Variants in CAMTA1 observed in about 807,000 individuals in gnomAD.
The protein encoded by CAMTA1 is calmodulin-binding transcription activator 1.
A neutral mutation model predicts 170.9 loss-of-function variants in CAMTA1; 27 were observed. The ratio of observed to expected loss-of-function variants is 0.16; its 90% confidence interval spans 0.12 to 0.22. The LOEUF (loss-of-function observed/expected upper bound fraction) is 0.22, where lower values mean the gene tolerates loss of function less well. CAMTA1 is among the 10% of genes least tolerant of loss of function. CAMTA1 has a pLI of 1.00. For missense variants in CAMTA1, 1,619 were observed against 2,217.2 expected (o/e 0.73, Z 5.42); for synonymous variants, 833 against 891.5 (o/e 0.93, Z 1.17).
At chr1:7,608,409 T>G (rs2150647389) in intron 6 of CAMTA1, among the ~76,000 whole-genome samples, 1 of 152,230 alleles carries the variant, frequency 6.6e-6, no homozygotes, top group Non-Finnish European at 1.5e-5. Context: ...CAGGGAACCC[T>G]CCTCTGGAGC....
At position 7,286,487 on chromosome 1, in the gene CAMTA1, G is replaced by A. The variant is rs573576471; in HGVS notation, c.438+36861G>A. On this transcript the variant is annotated intron_variant, in intron 5 of 22. Coordinates refer to ENST00000303635, the MANE Select transcript of CAMTA1 (RefSeq NM_015215.4). The surrounding 1 kb of genome is among the most constrained non-coding windows in gnomAD (Gnocchi z 4.2). ...TTCTCTTTGGGCTGGAATCATGAAC[G>A]TTCAGGGTCGTCACCCTCACCCTGC... is the stretch of plus-strand genomic sequence containing the variant. Among the ~76,000 whole-genome samples the A allele has an allele frequency of 1.4e-4, 22 of 152,298 alleles. No homozygotes were observed. Among genetic ancestry groups the A allele is most frequent in the African/African-American group, 5.1e-4 (21 of 41,564 alleles).
At position 7,600,445 on chromosome 1, in the gene CAMTA1, C is replaced by G. The variant is rs566293010; in HGVS notation, c.511-39955C>G. ...GCCAGGCTTTGGTATCAGGATAACG[C>G]TGGCCTCATAAAATGAGTTAGGGAG... is the stretch of plus-strand genomic sequence containing the variant. On this transcript the variant is annotated intron_variant, in intron 6 of 22. Coordinates refer to ENST00000303635, the MANE Select transcript of CAMTA1 (RefSeq NM_015215.4). 8.1e-4 allele frequency among the ~76,000 whole-genome samples: 123 copies of G among 151,094 alleles called. 1 individual carries two copies. In the South Asian group the frequency reaches 0.025, roughly 31 times the overall value.
chr1:7,709,171 T>C (rs1355093174), intron 11 of CAMTA1, among the ~76,000 whole-genome samples: 1 of 152,170 alleles, frequency 6.6e-6, no homozygotes, highest in Non-Finnish European at 1.5e-5. Context: ...TGAAGCTTTT[T>C]TTCTCCCCTC....
intron 16 of CAMTA1, among the ~76,000 whole-genome samples, chr1:7,744,224 C>T (rs1163765696): frequency 6.6e-6 from 1 of 150,716 alleles, no homozygotes; most frequent in East Asian, 1.9e-4. Flanking sequence ...CTCCACCTCC[C>T]AGGTTTAAGT....
At chr1:7,259,439 C>T (rs930361925) in intron 5 of CAMTA1, among the ~76,000 whole-genome samples, 11 of 152,128 alleles carry the variant, frequency 7.2e-5, no homozygotes, top group African/African-American at 2.7e-4. Flanking sequence ...TGCAGAATTT[C>T]AGGCCCCAAC....
chr1:7,092,310 C>T lies in CAMTA1; in HGVS notation c.302+939C>T, dbSNP rs985060906. On this transcript the variant is annotated intron_variant, in intron 4 of 22. Transcript: ENST00000303635. The surrounding 1 kb of genome is among the most constrained non-coding windows in gnomAD (Gnocchi z 5.0). ...AAGGGTTGAGTGTGTCCTCTGTGCC[C>T]GTGGCCCATCAGCTTGACCTGTTCA... 5.8e-4 allele frequency among the ~76,000 whole-genome samples: 89 copies of T among 152,286 alleles called. No individual in the cohort carries two copies. The highest frequency in any genetic ancestry group is 1.9e-3 in the African/African-American group (80 of 41,556).
chr1:7,633,053 G>T lies in CAMTA1; in HGVS notation c.511-7347G>T, dbSNP rs1278997961. On this transcript the variant is annotated intron_variant, in intron 6 of 22. Transcript: ENST00000303635. The surrounding 1 kb of genome is among the most constrained non-coding windows in gnomAD (Gnocchi z 4.1). ...TGGCAAGGTTCAGGCTAGCACTAAAGGGCCTGCTTAACACAGAGCAGGCAT... is the reference window on the plus strand; with the variant it reads ...TGGCAAGGTTCAGGCTAGCACTAAATGGCCTGCTTAACACAGAGCAGGCAT... 2.0e-5 allele frequency among the ~76,000 whole-genome samples: 3 copies of T among 152,202 alleles called. No homozygotes were observed. The highest frequency in any genetic ancestry group is 7.2e-5 in the African/African-American group (3 of 41,448).
chr1:7,532,646 T>C lies in CAMTA1; in HGVS notation c.510+64745T>C, dbSNP rs1315850644. Among the ~76,000 whole-genome samples, 1 of 152,220 alleles carries C rather than the reference T, an allele frequency of 6.6e-6. No homozygotes were observed. Among genetic ancestry groups the C allele is most frequent in the East Asian group, 1.9e-4 (1 of 5,192 alleles). On this transcript the variant is annotated intron_variant, in intron 6 of 22. Transcript: ENST00000303635. The surrounding 1 kb of genome is among the most constrained non-coding windows in gnomAD (Gnocchi z 4.2). The stretch of plus-strand genomic sequence containing the variant: ...TGAAACTTACAAAAAGCATAGGGCT[T>C]GGCAACCTCCCTCTTCTCCCTGGAG...
intron 12 of CAMTA1, among the ~76,000 whole-genome samples, chr1:7,734,999 A>C (rs571944198): frequency 6.6e-6 from 1 of 152,298 alleles, no homozygotes; most frequent in South Asian, 2.1e-4. Flanking sequence ...CAACTGGTTC[A>C]TAGGAAGTAA....
intron 3 of CAMTA1, among the ~76,000 whole-genome samples, chr1:6,831,852 A>G (rs1388517445): frequency 6.6e-6 from 1 of 152,216 alleles, no homozygotes; most frequent in African/African-American, 2.4e-5. Flanking sequence ...AGAGAGCAGT[A>G]TAGGTTGATA....
At chr1:7,483,985 G>A (rs2093579883) in intron 6 of CAMTA1, among the ~76,000 whole-genome samples, 1 of 152,192 alleles carries the variant, frequency 6.6e-6, no homozygotes, top group East Asian at 1.9e-4. Context: ...GAGACTGGGG[G>A]AGCCCCACCT....
At chr1:7,127,802 A>G (rs534883194) in intron 4 of CAMTA1, among the ~76,000 whole-genome samples, 14 of 152,330 alleles carry the variant, frequency 9.2e-5, no homozygotes, top group Admixed American at 3.3e-4. Flanking sequence ...CCGCTAACCT[A>G]GCAGGCCTGT....
intron 4 of CAMTA1, among the ~76,000 whole-genome samples, chr1:7,096,268 C>A (rs1309479346): frequency 6.6e-6 from 1 of 152,248 alleles, no homozygotes; most frequent in East Asian, 1.9e-4. Context: ...GTTTCCTGAC[C>A]CCATCCGTCC....
chr1:6,885,962 T>TA (rs1673092437), intron 3 of CAMTA1, among the ~76,000 whole-genome samples: 1 of 152,192 alleles, frequency 6.6e-6, no homozygotes, highest in Admixed American at 6.5e-5. Flanking sequence ...GGTTCACTCT[T>TA]ACCCTGGGCA....
chr1:7,370,647 G>C (rs1009307441), intron 5 of CAMTA1, among the ~76,000 whole-genome samples: 1 of 152,156 alleles, frequency 6.6e-6, no homozygotes, highest in African/African-American at 2.4e-5. Flanking sequence ...AGAAAAGTGT[G>C]GTTGGGAGGG....
chr1:7,533,380 C>T (rs1297268426), intron 6 of CAMTA1, among the ~76,000 whole-genome samples: 1 of 152,226 alleles, frequency 6.6e-6, no homozygotes, highest in East Asian at 1.9e-4. Context: ...ACCCTCCTGG[C>T]ACCAAGCAGC....
At chr1:7,656,835 T>C (rs889559690) in intron 7 of CAMTA1, among the ~76,000 whole-genome samples, 4 of 152,250 alleles carry the variant, frequency 2.6e-5, no homozygotes, top group Non-Finnish European at 1.5e-5. Flanking sequence ...TGTCATTGAT[T>C]TCATTTTGAT....
intron 3 of CAMTA1, among the ~76,000 whole-genome samples, chr1:6,854,700 G>C (rs1433448887): frequency 6.6e-6 from 1 of 152,116 alleles, no homozygotes; most frequent in East Asian, 1.9e-4. Flanking sequence ...ACAAAGACAG[G>C]TTTAATATTT....
intron 6 of CAMTA1, among the ~76,000 whole-genome samples, chr1:7,536,406 C>T (rs72865422): frequency 0.11 from 17,198 of 152,156 alleles, 1,612 homozygotes; most frequent in East Asian, 0.27. Flanking sequence ...GTTCACTCTG[C>T]GTCCCTGCCG....
Sources: gnomAD v4.1 joint callset for allele counts (sites outside exome capture counted in the v4.1 genomes callset) on GRCh38, gnomAD v4.1.1 for gene constraint, Gnocchi (gnomAD v3.1) non-coding constraint, MANE v1.5 for transcripts, NCBI Gene and HGNC (gene_info 2026-07-23, HGNC 2026-07-21) for gene names.